JMY: variants seen among roughly 807,000 people sequenced by gnomAD.
JMY encodes the protein junction mediating and regulatory protein, p53 cofactor, also known as junction-mediating and -regulatory protein.
In JMY, 46 loss-of-function variants were observed where a neutral mutation model predicts 103.3. The observed-to-expected ratio is 0.45, with a 90% CI of 0.35 to 0.57. The LOEUF (loss-of-function observed/expected upper bound fraction) is 0.57. Ranked by LOEUF, JMY falls within the 20% of genes least tolerant of loss-of-function variation. The pLI is 0.00. For missense variants in JMY, 1,238 were observed against 1,255.2 expected (o/e 0.99, Z 0.21); for synonymous variants, 526 against 489.3 (o/e 1.07, Z -0.99).
At chr5:79,278,141 A>G in intron 2 of JMY, 58 bp downstream of exon 2, 1 of 1,355,676 alleles carries the variant, frequency 7.4e-7, no homozygotes, top group Non-Finnish European at 1.0e-6. Context: ...TCAGCCTGAA[A>G]GGCCATGCGT....
chr5:79,275,931 T>C (rs1379436446), intron 1 of JMY, among the ~76,000 whole-genome samples: 2 of 152,120 alleles, frequency 1.3e-5, no homozygotes, highest in Non-Finnish European at 2.9e-5. Flanking sequence ...ATTACACATA[T>C]GAACTGATAC....
intron 10 of JMY, among the ~76,000 whole-genome samples, chr5:79,317,455 T>C (rs1204926341): frequency 1.3e-5 from 2 of 152,118 alleles, no homozygotes; most frequent in African/African-American, 2.4e-5. Context: ...ATAGAAACAT[T>C]AAAGATAACA....
intron 1 of JMY, among the ~76,000 whole-genome samples, chr5:79,247,413 C>T (rs535131253): frequency 1.3e-5 from 2 of 152,090 alleles, no homozygotes; most frequent in South Asian, 4.2e-4. Flanking sequence ...AGTGATTCTC[C>T]CACTTCAACC....
intron 1 of JMY, among the ~76,000 whole-genome samples, chr5:79,244,006 C>CT (rs1186953156): frequency 0.022 from 3,095 of 141,296 alleles, 77 homozygotes; most frequent in African/African-American, 0.062. Context: ...TCTTTTTTTC[C>CT]TTTTTTTTTT....
At chr5:79,315,366 A>AT (rs1484060142) in intron 9 of JMY, among the ~76,000 whole-genome samples, 1 of 151,774 alleles carries the variant, frequency 6.6e-6, no homozygotes, top group Non-Finnish European at 1.5e-5. Flanking sequence ...TTTTTTTCTA[A>AT]TTTTTTTTGT....
chr5:79,270,340 A>ATATATTTACATAAATATTTAAAATG (rs1561297518), intron 1 of JMY, among the ~76,000 whole-genome samples: 2 of 98,190 alleles, frequency 2.0e-5, no homozygotes, highest in African/African-American at 7.0e-5. Context: ...TATTTAAAAT[A>ATATATTTACATAAATATTTAAAATG]TATATTTACA....
At chr5:79,260,851 G>T (rs1745399876) in intron 1 of JMY, among the ~76,000 whole-genome samples, 1 of 151,978 alleles carries the variant, frequency 6.6e-6, no homozygotes, top group Non-Finnish European at 1.5e-5. Flanking sequence ...GAAATGTATG[G>T]CACTGGTCCT....
intron 2 of JMY, among the ~76,000 whole-genome samples, chr5:79,289,168 G>C (rs1746350889): frequency 6.6e-6 from 1 of 150,452 alleles, no homozygotes; most frequent in Non-Finnish European, 1.5e-5. Flanking sequence ...CTGGGAGGCG[G>C]AGGTTGCAGC....
In JMY at chr5:79,312,408, A is replaced by G; in HGVS notation, c.1974A>G (p.Arg658=). Residue 658 remains arginine (R), a synonymous_variant, in exon 8 of 11, where the codon AGA becomes AGG. Transcript: ENST00000396137. ...TATTATTAATTTTTTACCAGAAGAG[A>G]GAAAAATTACATGATGAAGAAGAAA... is the stretch of plus-strand genomic sequence containing the variant. ...YRTHHTVQLK[R]EKLHDEEERK... 1 of 1,549,190 alleles carries G rather than the reference A, an allele frequency of 6.5e-7. No homozygotes were observed.
chr5:79,255,128 C>CTTTTTTT lies in JMY; in HGVS notation c.1032+17448_1032+17454dup, dbSNP rs71615518. Among the ~76,000 whole-genome samples the CTTTTTTT allele has an allele frequency of 2.4e-4, 34 of 139,822 alleles. 3 individuals carry two copies. The highest frequency in any genetic ancestry group is 4.5e-4 in the African/African-American group (16 of 35,794). 91.7% of individuals were successfully genotyped at this position (139,822 alleles called of 152,430 possible). A position where few individuals can be genotyped will look rare whatever the true frequency, so the allele number is the denominator to read the frequency against. On this transcript the variant is annotated intron_variant, in intron 1 of 10. Coordinates refer to ENST00000396137, the MANE Select transcript of JMY (RefSeq NM_152405.5). ...CTGAAAGGTCACATATCTCTCTCTC[C>CTTTTTTT]TTTTTTTTGAGACAGGGTCTTGTAG...
At chr5:79,309,053 TAATAATC>T (rs1420097293) in intron 7 of JMY, among the ~76,000 whole-genome samples, 2 of 152,342 alleles carry the variant, frequency 1.3e-5, no homozygotes, top group African/African-American at 2.4e-5. Context: ...AGCTTTTTCT[TAATAATC>T]TATAATCTAG....
intron 1 of JMY, among the ~76,000 whole-genome samples, chr5:79,260,871 G>A (rs1727812620): frequency 6.6e-6 from 1 of 152,142 alleles, no homozygotes; most frequent in African/African-American, 2.4e-5. Flanking sequence ...TTATTTCTCA[G>A]TAGGGGAAAC....
In JMY at chr5:79,314,615, C is replaced by T; in HGVS notation, c.2423C>T (p.Pro808Leu). The T allele has an allele frequency of 6.2e-7, 1 of 1,612,264 alleles. No homozygotes were observed. Among genetic ancestry groups the T allele is most frequent in the Non-Finnish European group, 8.5e-7 (1 of 1,178,836 alleles). Residue 808 changes from proline to leucine, a missense_variant, in exon 9 of 11, where the codon CCT (proline) becomes CTT (leucine). Physicochemically the swap from Pro to Leu is moderately conservative, Grantham distance 98 (BLOSUM62 -3). Transcript: ENST00000396137. The stretch of plus-strand genomic sequence containing the variant: ...ATAAATCCACTCCCATCCCCTCTTC[C>T]TCCAACACCACCACCTCCCCCACCT... ...VTINPLPSPL[P>L]PTPPPPPPPP... is the part of the protein sequence containing the mutation.
chr5:79,290,481 AAAT>A (rs1223407832), intron 3 of JMY, among the ~76,000 whole-genome samples: 18 of 152,006 alleles, frequency 1.2e-4, no homozygotes, highest in African/African-American at 4.3e-4. Context: ...TATGAATAGT[AAAT>A]AATTGTGTTT....
intron 1 of JMY, among the ~76,000 whole-genome samples, chr5:79,246,697 A>G (rs1163234395): frequency 6.6e-6 from 1 of 152,182 alleles, no homozygotes; most frequent in African/African-American, 2.4e-5. Flanking sequence ...CCTGGCCAAC[A>G]TGGTAAAACC....
chr5:79,267,979 C>T (rs951328457), intron 1 of JMY, among the ~76,000 whole-genome samples: 3 of 152,142 alleles, frequency 2.0e-5, no homozygotes, highest in Non-Finnish European at 2.9e-5. Flanking sequence ...GACATAGTGG[C>T]CCATGCCTGT....
rs1391665244 is a variant in JMY, at chr5:79,237,283, G to T, written c.633G>T (p.Ala211=). 7 of 1,554,542 alleles carry T rather than the reference G, an allele frequency of 4.5e-6. No individual in the cohort carries two copies. The highest frequency in any genetic ancestry group is 6.1e-6 in the Non-Finnish European group (7 of 1,149,106). Reference sequence around the variant, plus strand: ...AGGCACCTCTGGCGCTCTCGGACGCGGAGCAGCCGCCGCCCGCCACCGAGC... The same window carrying T: ...AGGCACCTCTGGCGCTCTCGGACGCTGAGCAGCCGCCGCCCGCCACCGAGC... ...EDEAPLALSD[A]EQPPPATELE... The change falls in exon 1 of 11, where the codon GCG becomes GCT. Residue 211 remains alanine, a synonymous_variant. Coordinates refer to ENST00000396137, the MANE Select transcript of JMY (RefSeq NM_152405.5).
At chr5:79,299,985 C>CAT (rs10640258) in intron 4 of JMY, among the ~76,000 whole-genome samples, 168 bp from the exon 5 acceptor site, 72,336 of 149,284 alleles carry the variant, frequency 0.48, 17,868 homozygotes, top group Non-Finnish European at 0.57. Flanking sequence ...CTGTTTTATA[C>CAT]ATATATATAT....
chr5:79,309,645 C>CA (rs1746986236), intron 7 of JMY, among the ~76,000 whole-genome samples: 2 of 152,202 alleles, frequency 1.3e-5, no homozygotes, highest in African/African-American at 4.8e-5. Context: ...CCTTAAGGCA[C>CA]ATTCTTAGCT....
Sources: gnomAD v4.1 joint callset for allele counts (sites outside exome capture counted in the v4.1 genomes callset) on GRCh38, gnomAD v4.1.1 for gene constraint, MANE v1.5 for transcripts, NCBI Gene and HGNC (gene_info 2026-07-23, HGNC 2026-07-21) for gene names.